NME7: variants seen among roughly 807,000 people sequenced by gnomAD.
The protein encoded by NME7 is nucleoside diphosphate kinase 7.
NME7 carries 41 observed loss-of-function variants against 49.1 expected under a neutral mutation model. The observed-to-expected ratio is 0.83, with a 90% CI of 0.65 to 1.08. The LOEUF (loss-of-function observed/expected upper bound fraction) is 1.08. NME7 is among the 50% of genes least tolerant of loss of function. NME7 has a pLI of 0.00. For missense variants in NME7, 423 were observed against 463.4 expected (o/e 0.91, Z 0.80); for synonymous variants, 139 against 150.6 (o/e 0.92, Z 0.56).
At chr1:169,331,930 C>T (rs900973816) in intron 1 of NME7, among the ~76,000 whole-genome samples, 12 of 151,948 alleles carry the variant, frequency 7.9e-5, no homozygotes, top group Admixed American at 2.0e-4. Context: ...TATCAAAATA[C>T]CAATGTCGTT....
chr1:169,289,826 G>A (rs999617945), intron 6 of NME7, among the ~76,000 whole-genome samples: 12 of 151,982 alleles, frequency 7.9e-5, no homozygotes, highest in African/African-American at 2.4e-4. Context: ...GAATAAGAGC[G>A]CTTTTACTAG....
At chr1:169,197,753 G>T (rs563472725) in intron 10 of NME7, among the ~76,000 whole-genome samples, 1 of 152,208 alleles carries the variant, frequency 6.6e-6, no homozygotes, top group African/African-American at 2.4e-5. Flanking sequence ...TACAATTTTA[G>T]AACTCTTAGA....
Position 169,256,196 on chromosome 1 carries a change from T to G in NME7, c.755-18509A>C, listed in dbSNP as rs1168335916. Among the ~76,000 whole-genome samples, 4 of 133,516 alleles carry G rather than the reference T, an allele frequency of 3.0e-5. 1 individual carries two copies. The highest frequency in any genetic ancestry group is 1.0e-4 in the African/African-American group (4 of 39,376). The allele number at this position is 133,516 out of a possible 152,430, so 87.6% of individuals were successfully genotyped here. A position where few individuals can be genotyped will look rare whatever the true frequency, so the allele number is the denominator to read the frequency against. ...TTCCATTCTCCCCATCACTTTCAGG[T>G]ACACCAATCAGACGTAGATTTGGTC... On this transcript the variant is annotated intron_variant, in intron 7 of 11. Transcript: ENST00000367811.
intron 1 of NME7, among the ~76,000 whole-genome samples, chr1:169,338,666 G>C (rs752337674): frequency 1.1e-4 from 17 of 152,094 alleles, no homozygotes; most frequent in Non-Finnish European, 2.1e-4. Flanking sequence ...TCTCTAAAAA[G>C]GTTGAACTTT....
rs1372435124 is a variant in NME7, at chr1:169,268,671, A to C, written c.754+18632T>G. Among the ~76,000 whole-genome samples, 2 of 133,858 alleles carry C rather than the reference A, an allele frequency of 1.5e-5. 1 individual carries two copies. The highest frequency in any genetic ancestry group is 3.5e-5 in the Non-Finnish European group (2 of 56,960). 87.8% of individuals were successfully genotyped at this position (133,858 alleles called of 152,430 possible). On this transcript the variant is annotated intron_variant, in intron 7 of 11. Coordinates refer to ENST00000367811, the MANE Select transcript of NME7 (RefSeq NM_013330.5). ...AATGGAACTGGAGGCCATTATCCTTAGCAAACTAATGAAGGAACAGAAAAC... is the reference window on the plus strand; with the variant it reads ...AATGGAACTGGAGGCCATTATCCTTCGCAAACTAATGAAGGAACAGAAAAC...
chr1:169,353,322 G>C (rs1489691935), intron 1 of NME7, among the ~76,000 whole-genome samples: 1 of 152,016 alleles, frequency 6.6e-6, no homozygotes, highest in East Asian at 1.9e-4. Flanking sequence ...AATGGTACTG[G>C]AAAAACTGGG....
chr1:169,250,938 T>C (rs970914125), intron 7 of NME7, among the ~76,000 whole-genome samples: 13 of 152,168 alleles, frequency 8.5e-5, no homozygotes, highest in Non-Finnish European at 1.8e-4. Flanking sequence ...ATTAAAAGAA[T>C]GTACAATCTG....
intron 10 of NME7, among the ~76,000 whole-genome samples, chr1:169,199,763 T>C (rs76581968): frequency 0.086 from 13,010 of 152,042 alleles, 628 homozygotes; most frequent in South Asian, 0.11. Context: ...GGAAAAGGTA[T>C]AATTCACCAA....
chr1:169,359,279 T>C (rs1653573162), intron 1 of NME7, among the ~76,000 whole-genome samples: 1 of 152,020 alleles, frequency 6.6e-6, no homozygotes, highest in African/African-American at 2.4e-5. Context: ...CATTGTATTG[T>C]TATTTTTTTT....
chr1:169,307,715 G>A (rs1488571428), intron 4 of NME7, among the ~76,000 whole-genome samples: 8 of 152,038 alleles, frequency 5.3e-5, no homozygotes, highest in African/African-American at 1.9e-4. Flanking sequence ...TATGAGATAG[G>A]TACTATTATA....
At chr1:169,161,815 T>C (rs1257560529) in intron 11 of NME7, among the ~76,000 whole-genome samples, 1 of 152,212 alleles carries the variant, frequency 6.6e-6, no homozygotes, top group Non-Finnish European at 1.5e-5. Flanking sequence ...GGGAGGGGCC[T>C]GAATGCTGCT....
chr1:169,314,741 C>T (rs955163648), intron 3 of NME7, among the ~76,000 whole-genome samples: 3 of 151,046 alleles, frequency 2.0e-5, no homozygotes, highest in Admixed American at 1.3e-4. Context: ...ATTCTGCACA[C>T]GTATCCCGGA....
chr1:169,166,889 T>C (rs116102151), intron 11 of NME7, among the ~76,000 whole-genome samples: 2,241 of 152,258 alleles, frequency 0.015, 58 homozygotes, highest in African/African-American at 0.051. Flanking sequence ...GGAGAAATGC[T>C]TGAACTCAGG....
chr1:169,287,564 C>T (rs1650327527), intron 6 of NME7, among the ~76,000 whole-genome samples, 156 bp from the exon 7 acceptor site: 1 of 152,076 alleles, frequency 6.6e-6, no homozygotes, highest in Non-Finnish European at 1.5e-5. Context: ...TACAAAGACA[C>T]ACTGATTAAA....
chr1:169,155,265 C>T (rs1200163), intron 11 of NME7, among the ~76,000 whole-genome samples: 3,024 of 152,234 alleles, frequency 0.02, 104 homozygotes, highest in African/African-American at 0.069. Context: ...CTCCCAACCA[C>T]CAGATGGTGA....
intron 1 of NME7, among the ~76,000 whole-genome samples, chr1:169,352,112 C>T (rs1289250110): frequency 6.6e-6 from 1 of 150,484 alleles, no homozygotes; most frequent in African/African-American, 2.5e-5. Flanking sequence ...GACAACAACA[C>T]ATCAAAAAAA....
In NME7 at chr1:169,188,676, G is replaced by T. The variant is rs117561444; in HGVS notation, c.991-19122C>A. ...ATCAAAACCTTGACTTAAAGAACAG[G>T]TATAGAAGATTGCTTAAGGGAACAC... On this transcript the variant is annotated intron_variant, in intron 10 of 11. Transcript: ENST00000367811. Among the ~76,000 whole-genome samples the T allele has an allele frequency of 9.9e-3, 1,500 of 152,264 alleles. 60 individuals are homozygous for T. The highest frequency in any genetic ancestry group is 0.064 in the Admixed American group (976 of 15,292).
chr1:169,276,965 C>T (rs1649760262), intron 7 of NME7, among the ~76,000 whole-genome samples: 1 of 150,462 alleles, frequency 6.6e-6, no homozygotes, highest in African/African-American at 2.4e-5. Context: ...CATTCAGGAG[C>T]AGACTGTTCA....
At chr1:169,186,153 A>G (rs1412343450) in intron 10 of NME7, among the ~76,000 whole-genome samples, 1 of 152,182 alleles carries the variant, frequency 6.6e-6, no homozygotes, top group African/African-American at 2.4e-5. Flanking sequence ...GGGAATTGTA[A>G]TAAAATTAGA....
Sources: gnomAD v4.1 joint callset for allele counts (sites outside exome capture counted in the v4.1 genomes callset) on GRCh38, gnomAD v4.1.1 for gene constraint, MANE v1.5 for transcripts, NCBI Gene and HGNC (gene_info 2026-07-23, HGNC 2026-07-21) for gene names.